Variants in MARCHF1 observed in about 807,000 individuals in gnomAD.
MARCHF1 encodes the protein E3 ubiquitin-protein ligase MARCHF1.
Under a neutral mutation model 54.2 loss-of-function variants are expected in MARCHF1, and 40 were observed. The observed-to-expected ratio is 0.74, with a 90% confidence interval of 0.57 to 0.96. The LOEUF is 0.96. MARCHF1 is among the 40% of genes least tolerant of loss of function. MARCHF1 has a pLI of 0.00. For missense variants in MARCHF1, 586 were observed against 656.5 expected, an observed-to-expected ratio of 0.89 and a Z score of 1.17; for synonymous variants, 236 against 236.3, an observed-to-expected ratio of 1.00 and a Z score of 0.01.
intron 1 of MARCHF1, among the ~76,000 whole-genome samples, chr4:164,151,747 T>C (rs10011211): frequency 0.013 from 1,964 of 152,140 alleles, 38 homozygotes; most frequent in African/African-American, 0.042. Context: ...AATAGTAAAA[T>C]AAAATTAAAA....
chr4:163,900,775 G>C (rs1267227252), intron 3 of MARCHF1, among the ~76,000 whole-genome samples: 1 of 151,998 alleles, frequency 6.6e-6, no homozygotes, highest in African/African-American at 2.4e-5. Context: ...TTGGTATTGT[G>C]GTAGGTACTG....
At chr4:164,266,148 T>C (rs1238577216) in intron 1 of MARCHF1, among the ~76,000 whole-genome samples, 3 of 152,190 alleles carry the variant, frequency 2.0e-5, no homozygotes, top group Admixed American at 1.3e-4. Flanking sequence ...GAGTACTAAA[T>C]GGATCATGAA....
intron 4 of MARCHF1, among the ~76,000 whole-genome samples, chr4:163,849,897 T>G (rs1389694): frequency 6.6e-6 from 1 of 152,090 alleles, no homozygotes; most frequent in Non-Finnish European, 1.5e-5. Flanking sequence ...CTTTCTATAC[T>G]GATTACTAAG....
chr4:164,138,090 C>T (rs561831470), intron 1 of MARCHF1, among the ~76,000 whole-genome samples: 3 of 152,230 alleles, frequency 2.0e-5, no homozygotes, highest in African/African-American at 7.2e-5. Context: ...ACCCCAGCAG[C>T]CAGTGAGCTG....
rs889157771 is a variant in MARCHF1 at position 164,084,592 on chromosome 4, C to A, written c.-248+26996G>T. On this transcript the variant is annotated intron_variant, in intron 2 of 9. Transcript: ENST00000514618. ...AATTATAATTTGCTAATCTAAGCTA[C>A]CATTTTATATAAATTCTAAATTTGC... Among the ~76,000 whole-genome samples the A allele has an allele frequency of 3.3e-5, 5 of 151,768 alleles. No individual in the cohort carries two copies. In the East Asian group the frequency reaches 5.8e-4, roughly 18 times the overall value.
intron 1 of MARCHF1, among the ~76,000 whole-genome samples, chr4:164,176,956 CT>C (rs1223519370): frequency 1.8e-4 from 7 of 39,816 alleles, no homozygotes; most frequent in African/African-American, 5.2e-4. Context: ...CTCTCTCTCT[CT>C]CTCTCTCTCT....
chr4:163,544,533 C>T (rs1034604892), intron 9 of MARCHF1, among the ~76,000 whole-genome samples: 21 of 152,282 alleles, frequency 1.4e-4, no homozygotes, highest in African/African-American at 4.8e-4. Context: ...CAGCCCCTTT[C>T]GGCTTTTTGA....
intron 1 of MARCHF1, among the ~76,000 whole-genome samples, chr4:164,237,097 C>A (rs1307049501): frequency 6.6e-6 from 1 of 152,148 alleles, no homozygotes. Flanking sequence ...TTTTCCTTGA[C>A]CATGCCATGT....
chr4:163,894,559 G>T (rs1750733909), intron 3 of MARCHF1, among the ~76,000 whole-genome samples: 1 of 120,198 alleles, frequency 8.3e-6, no homozygotes, highest in African/African-American at 3.0e-5. Context: ...TCCTGCACAT[G>T]CATATATATA....
chr4:163,637,135 T>C (rs1301425787), intron 5 of MARCHF1, among the ~76,000 whole-genome samples: 2 of 151,698 alleles, frequency 1.3e-5, no homozygotes, highest in Non-Finnish European at 2.9e-5. Flanking sequence ...CCTAAAACCA[T>C]AAAAACCCTA....
At chr4:163,826,809 A>G (rs1038356381) in intron 4 of MARCHF1, among the ~76,000 whole-genome samples, 1 of 152,050 alleles carries the variant, frequency 6.6e-6, no homozygotes, top group Non-Finnish European at 1.5e-5. Context: ...ATATTCATGG[A>G]TAATTCTGGC....
At chr4:164,041,789 T>C (rs891169346) in intron 2 of MARCHF1, among the ~76,000 whole-genome samples, 1 of 152,152 alleles carries the variant, frequency 6.6e-6, no homozygotes, top group African/African-American at 2.4e-5. Context: ...ATGATTCTGA[T>C]GTAGGGTGCT....
At chr4:163,642,761 A>C (rs144028874) in intron 5 of MARCHF1, among the ~76,000 whole-genome samples, 4 of 152,276 alleles carry the variant, frequency 2.6e-5, no homozygotes, top group African/African-American at 7.2e-5. Context: ...CTGTCAAAAT[A>C]ATCTTCCTAA....
chr4:163,566,819 C>T (rs769825498), intron 8 of MARCHF1, among the ~76,000 whole-genome samples: 29 of 152,120 alleles, frequency 1.9e-4, no homozygotes, highest in South Asian at 1.0e-3. Flanking sequence ...TTGGGAAATT[C>T]GCTAAAGAAA....
At chr4:163,761,370 T>G (rs201382774) in intron 4 of MARCHF1, among the ~76,000 whole-genome samples, 1 of 152,208 alleles carries the variant, frequency 6.6e-6, no homozygotes, top group Non-Finnish European at 1.5e-5. Flanking sequence ...CTCCCAATCA[T>G]GAGTTTGAGC....
chr4:164,348,184 C>CT (rs567651251), intron 1 of MARCHF1, among the ~76,000 whole-genome samples: 15,503 of 151,098 alleles, frequency 0.1, 1,340 homozygotes, highest in East Asian at 0.29. Flanking sequence ...GAGTATGCTT[C>CT]TTTTTTTTTG....
intron 1 of MARCHF1, among the ~76,000 whole-genome samples, chr4:164,370,557 G>A (rs1050338507): frequency 6.6e-6 from 1 of 152,158 alleles, no homozygotes; most frequent in Non-Finnish European, 1.5e-5. Context: ...CATGGAGAAA[G>A]GCTCTAAATA....
In MARCHF1 at chr4:164,142,520, C is replaced by T. The variant is rs536103063; in HGVS notation, c.-322-30858G>A. On this transcript the variant is annotated intron_variant, in intron 1 of 9. Coordinates refer to ENST00000514618, the MANE Select transcript of MARCHF1 (RefSeq NM_001394959.1). ...CTCAAGTGGGTCCCTGACCCCTGAC[C>T]CCCCAGCAGCCTAACTGGGAGGCAC... 3.3e-5 allele frequency among the ~76,000 whole-genome samples: 5 copies of T among 152,266 alleles called. No individual in the cohort carries two copies. The South Asian group carries it at 6.2e-4, about 19-fold the overall frequency.
intron 4 of MARCHF1, among the ~76,000 whole-genome samples, chr4:163,847,175 T>A (rs575609053): frequency 6.6e-6 from 1 of 152,214 alleles, no homozygotes; most frequent in East Asian, 1.9e-4. Context: ...AAAATTCATT[T>A]ACATACTTCT....
Sources: gnomAD v4.1 joint callset for allele counts (sites outside exome capture counted in the v4.1 genomes callset) on GRCh38, gnomAD v4.1.1 for gene constraint, MANE v1.5 for transcripts, NCBI Gene and HGNC (gene_info 2026-07-23, HGNC 2026-07-21) for gene names.